FOXP2: variants seen among roughly 807,000 people sequenced by gnomAD.
The protein encoded by FOXP2 is forkhead box protein P2.
A neutral mutation model predicts 115.8 loss-of-function variants in FOXP2; 12 were observed. The observed-to-expected ratio is 0.10, with a 90% confidence interval of 0.07 to 0.17. The LOEUF (loss-of-function observed/expected upper bound fraction) is 0.17. Among genes scored for constraint, FOXP2 ranks in the 10% least tolerant of loss-of-function variants. The pLI is 1.00. For synonymous variants in FOXP2, 328 were observed against 297.7 expected, an observed-to-expected ratio of 1.10 and a Z score of -1.05; for missense variants, 629 against 843.5, an observed-to-expected ratio of 0.75 and a Z score of 3.15.
chr7:114,661,962 G>T, intron 13 of FOXP2, 103 bp from the exon 14 acceptor site: 1 of 1,427,774 alleles, frequency 7.0e-7, no homozygotes, highest in Middle Eastern at 1.8e-4. Flanking sequence ...AACATGTTAA[G>T]ATTTTTCACT....
chr7:114,203,388 A>G (rs1055411784), intron 1 of FOXP2, among the ~76,000 whole-genome samples: 7 of 152,160 alleles, frequency 4.6e-5, no homozygotes, highest in African/African-American at 9.7e-5. Context: ...GCTGTAGTGC[A>G]GTGGTGCTAT....
intron 1 of FOXP2, among the ~76,000 whole-genome samples, chr7:114,100,656 T>G (rs571010707): frequency 1.3e-5 from 2 of 152,310 alleles, no homozygotes; most frequent in African/African-American, 4.8e-5. Flanking sequence ...TTTGCTCAAT[T>G]ATTTTAAAAA....
At chr7:114,132,541 TTG>T (rs145500210) in intron 1 of FOXP2, among the ~76,000 whole-genome samples, 6,475 of 90,164 alleles carry the variant, frequency 0.072, 442 homozygotes, top group East Asian at 0.14. Flanking sequence ...AAAAGATAAA[TTG>T]TGTGTGTGTG....
chr7:114,130,036 G>C (rs1012954661), intron 1 of FOXP2, among the ~76,000 whole-genome samples: 1 of 152,156 alleles, frequency 6.6e-6, no homozygotes, highest in Non-Finnish European at 1.5e-5. Context: ...AAGTCTGCCT[G>C]GGTGTGGTGG....
At position 114,687,755 on chromosome 7, in the gene FOXP2, T is replaced by C. The variant is rs1264710694; in HGVS notation, c.2004-2027T>C. ...TACTTTTAGAAGCCTTTCTTTGTCA[T>C]AAAGCTCAAGGGACCCTCTCCAACC... is the stretch of plus-strand genomic sequence containing the variant. On this transcript the variant is annotated intron_variant, in intron 16 of 16. Coordinates refer to ENST00000350908, the MANE Select transcript of FOXP2 (RefSeq NM_014491.4). Among the ~76,000 whole-genome samples the C allele has an allele frequency of 2.6e-5, 4 of 152,308 alleles. No homozygotes were observed. In the East Asian group the frequency reaches 7.7e-4, roughly 29 times the overall value.
At chr7:114,425,341 C>T (rs1444451288) in intron 1 of FOXP2, among the ~76,000 whole-genome samples, 2 of 151,506 alleles carry the variant, frequency 1.3e-5, no homozygotes, top group African/African-American at 2.4e-5. Flanking sequence ...GTTGTTTCTG[C>T]AATTCTGTCC....
chr7:114,206,397 C>A (rs1395895606), intron 1 of FOXP2, among the ~76,000 whole-genome samples: 1 of 152,036 alleles, frequency 6.6e-6, no homozygotes, highest in Non-Finnish European at 1.5e-5. Flanking sequence ...TCAAACATGC[C>A]AGGTTATCTC....
chr7:114,183,028 C>T (rs1793497730), intron 1 of FOXP2, among the ~76,000 whole-genome samples: 2 of 152,066 alleles, frequency 1.3e-5, no homozygotes, highest in Non-Finnish European at 2.9e-5. Flanking sequence ...TCCACAGATA[C>T]AGCAGTTGTT....
chr7:114,380,023 A>G lies in FOXP2; in HGVS notation c.-10-46479A>G, dbSNP rs531582069. Among the ~76,000 whole-genome samples the G allele has an allele frequency of 7.9e-5, 12 of 152,230 alleles. No homozygotes were observed. In the South Asian group the frequency reaches 2.5e-3, roughly 32 times the overall value. ...TTGGTTTCCCAGAGGGGGTTACCCC[A>G]TATTAGGGGTCCTTCTATAAGCATT... On this transcript the variant is annotated intron_variant, in intron 2 of 17. Coordinates refer to the FOXP2 transcript ENST00000634411.
chr7:114,439,187 C>T (rs1056246148), intron 2 of FOXP2, among the ~76,000 whole-genome samples: 1 of 152,110 alleles, frequency 6.6e-6, no homozygotes, highest in Non-Finnish European at 1.5e-5. Flanking sequence ...TTTCTCTGGA[C>T]CTCTGTTTTC....
intron 2 of FOXP2, among the ~76,000 whole-genome samples, chr7:114,390,023 C>CAAAAAAAAAA (rs11311566): frequency 4.3e-5 from 4 of 93,188 alleles, no homozygotes; most frequent in South Asian, 4.3e-4. Flanking sequence ...CATTCAGTGT[C>CAAAAAAAAAA]AAAAAAAAAA....
chr7:114,658,151 C>T lies in FOXP2; in HGVS notation c.1352C>T (p.Thr451Met), dbSNP rs199776572. ...QSLPQTPTTP[T>M]APVTPITQGP... ...TTACCTCAAACCCCTACCACACCAACGGCCCCAGTCACCCCGATTACCCAG... is the reference window on the plus strand; with the variant it reads ...TTACCTCAAACCCCTACCACACCAATGGCCCCAGTCACCCCGATTACCCAG... Residue 451 changes from threonine (T) to methionine (M), a missense_variant, in exon 11 of 17, where the codon ACG (threonine) becomes ATG (methionine). Physicochemically the swap from Thr to Met is moderately conservative, Grantham distance 81. This residue lies in a region of FOXP2 where 101 missense variants were observed against 116.0 expected (regional missense o/e 0.87). Coordinates refer to ENST00000350908, the MANE Select transcript of FOXP2 (RefSeq NM_014491.4). 32 of 1,613,952 alleles carry T rather than the reference C, an allele frequency of 2.0e-5. No homozygotes were observed. The highest frequency in any genetic ancestry group is 2.7e-5 in the African/African-American group (2 of 75,012).
chr7:114,584,547 TCA>T (rs1283978859), intron 3 of FOXP2, among the ~76,000 whole-genome samples: 1 of 152,238 alleles, frequency 6.6e-6, no homozygotes, highest in African/African-American at 2.4e-5. Flanking sequence ...CTTCTGTTTG[TCA>T]GTCTAAACAC....
At chr7:114,587,798 A>G (rs1459046609) in intron 3 of FOXP2, among the ~76,000 whole-genome samples, 2 of 146,350 alleles carry the variant, frequency 1.4e-5, no homozygotes, top group Non-Finnish European at 3.0e-5. Flanking sequence ...CTGTATAGGA[A>G]GAGGAGACCA....
chr7:114,417,586 G>A (rs1193855816), intron 1 of FOXP2, among the ~76,000 whole-genome samples: 3 of 151,882 alleles, frequency 2.0e-5, no homozygotes, highest in Middle Eastern at 3.2e-3. Context: ...TATGCTTAAA[G>A]CAAGTTGAAT....
chr7:114,683,813 G>T (rs368423304), intron 16 of FOXP2, among the ~76,000 whole-genome samples: 27 of 152,260 alleles, frequency 1.8e-4, no homozygotes, highest in African/African-American at 6.3e-4. Flanking sequence ...AGTCTGAAAT[G>T]GAAGTTATTA....
chr7:114,131,892 G>A lies in FOXP2; in HGVS notation c.-246-31052G>A, dbSNP rs1206065439. Among the ~76,000 whole-genome samples the A allele has an allele frequency of 5.9e-5, 9 of 152,054 alleles. No homozygotes were observed. The East Asian group carries it at 1.7e-3, about 29-fold the overall frequency. ...ATGTTAGCATTATCTAATACCTGAA[G>A]GATGAGGACTAGGTGAAAAGACATA... On this transcript the variant is annotated intron_variant, in intron 1 of 19. Coordinates refer to the FOXP2 transcript ENST00000635638.
chr7:114,653,107 A>G (rs1403282057), intron 9 of FOXP2, among the ~76,000 whole-genome samples: 1 of 152,152 alleles, frequency 6.6e-6, no homozygotes, highest in Non-Finnish European at 1.5e-5. Flanking sequence ...TCTTGTTTCA[A>G]ATTCGTGTCA....
intron 2 of FOXP2, among the ~76,000 whole-genome samples, chr7:114,372,640 G>GT (rs1189513036): frequency 6.6e-6 from 1 of 152,118 alleles, no homozygotes; most frequent in Non-Finnish European, 1.5e-5. Context: ...CACAAAATTA[G>GT]TAACTGATGA....
Sources: gnomAD v4.1 joint callset for allele counts (sites outside exome capture counted in the v4.1 genomes callset) on GRCh38, gnomAD v4.1.1 for gene constraint, gnomAD v4.1.1 regional missense constraint, MANE v1.5 for transcripts, NCBI Gene and HGNC (gene_info 2026-07-23, HGNC 2026-07-21) for gene names.